The following PCDHA1 variants were observed in gnomAD, a reference collection of about 807,000 sequenced individuals.
PCDHA1 encodes protocadherin alpha 1.
In PCDHA1, 42 loss-of-function variants were observed where a neutral mutation model predicts 61.3. The observed-to-expected ratio is 0.69, with a 90% CI of 0.54 to 0.89. PCDHA1 has a LOEUF of 0.89. Among genes scored for constraint, PCDHA1 ranks in the 40% least tolerant of loss-of-function variants. The pLI, the probability that PCDHA1 is intolerant of heterozygous loss-of-function variation, is 0.00. For synonymous variants in PCDHA1, 610 were observed against 553.8 expected, an observed-to-expected ratio of 1.10 and a Z score of -1.43; for missense variants, 1,256 against 1,235.3, an observed-to-expected ratio of 1.02 and a Z score of -0.25.
intron 1 of PCDHA1, among the ~76,000 whole-genome samples, chr5:140,845,081 A>G (rs1413873569): frequency 1.3e-5 from 2 of 149,512 alleles, no homozygotes; most frequent in Non-Finnish European, 3.0e-5. Flanking sequence ...ATTGTTTTGT[A>G]GTTTATTTTA....
intron 1 of PCDHA1, chr5:140,870,343 C>T (rs375366430): frequency 1.9e-6 from 3 of 1,614,160 alleles, no homozygotes; most frequent in African/African-American, 2.7e-5. Flanking sequence ...CGCCCTGGAC[C>T]GCGAGAACGT....
chr5:140,845,330 G>T (rs782598822), intron 1 of PCDHA1, among the ~76,000 whole-genome samples: 1 of 149,276 alleles, frequency 6.7e-6, no homozygotes, highest in African/African-American at 2.5e-5. Context: ...TTTAATTACT[G>T]AATTCTCCTA....
chr5:140,800,880 A>G (rs1456121681), intron 1 of PCDHA1: 2 of 295,432 alleles, frequency 6.8e-6, no homozygotes, highest in Non-Finnish European at 1.2e-5. Context: ...TAGATAAAAT[A>G]TAAGGACTTT....
intron 1 of PCDHA1, among the ~76,000 whole-genome samples, chr5:140,879,706 A>T (rs2058090742): frequency 6.6e-6 from 1 of 152,246 alleles, no homozygotes; most frequent in African/African-American, 2.4e-5. Context: ...ATTATTTCTC[A>T]GTATTGGAGA....
chr5:140,966,930 G>A (rs1554228913), intron 1 of PCDHA1: 1 of 1,603,704 alleles, frequency 6.2e-7, no homozygotes, highest in Middle Eastern at 1.7e-4. Flanking sequence ...CAGGCACCCG[G>A]CGCGCTCGTG....
chr5:140,996,365 T>C (rs1017086317), intron 3 of PCDHA1, among the ~76,000 whole-genome samples: 4 of 152,196 alleles, frequency 2.6e-5, no homozygotes, highest in African/African-American at 9.7e-5. Context: ...GAAGCCATTT[T>C]GTTGTCGGCT....
intron 1 of PCDHA1, among the ~76,000 whole-genome samples, chr5:140,932,569 C>T (rs58622542): frequency 0.013 from 2,018 of 151,826 alleles, 38 homozygotes; most frequent in African/African-American, 0.046. Flanking sequence ...GTAGACTTTC[C>T]CATAGGGTAA....
intron 1 of PCDHA1, chr5:140,831,249 A>G (rs1232013829): frequency 5.3e-5 from 8 of 152,084 alleles, no homozygotes; most frequent in African/African-American, 1.9e-4. Flanking sequence ...CGGCTCTCTT[A>G]TTTCTGTTTG....
Position 140,871,133 on chromosome 5 carries a change from C to A in PCDHA1, c.2394+82449C>A, listed in dbSNP as rs1156390839. On this transcript the variant is annotated intron_variant, in intron 1 of 3. Transcript: ENST00000504120. ...GTGGAGAGCGGACAGGCGCCAAAGG[C>A]CTCTTCCCGGACTTTGGCGGGCGCC... 29 of 1,613,274 alleles carry A rather than the reference C, an allele frequency of 1.8e-5. No homozygotes were observed. Among genetic ancestry groups the A allele is most frequent in the Non-Finnish European group, 2.5e-5 (29 of 1,179,916 alleles).
At chr5:140,858,494 C>A (rs1451749220) in intron 1 of PCDHA1, 1 of 1,482,778 alleles carries the variant, frequency 6.7e-7, no homozygotes. Context: ...TTTCTCTTAC[C>A]GCATTTTCTC....
intron 1 of PCDHA1, chr5:140,814,870 A>G (rs1246667787): frequency 2.6e-5 from 4 of 152,220 alleles, no homozygotes; most frequent in South Asian, 4.2e-4. Flanking sequence ...AGGTGTTTTA[A>G]TGTTGGGTGC....
rs782148992 is a variant in PCDHA1 at position 140,809,135 on chromosome 5, C to T, written c.2394+20451C>T. ...CGCTCCGCGCCACCGCCTACTGGTA[C>T]TGGTGAAGGACCACGGCGAGCCCGC... On this transcript the variant is annotated intron_variant, in intron 1 of 3. Coordinates refer to ENST00000504120, the MANE Select transcript of PCDHA1 (RefSeq NM_018900.4). 24 of 1,613,884 alleles carry T rather than the reference C, an allele frequency of 1.5e-5. No homozygotes were observed. In the Middle Eastern group the frequency reaches 4.9e-4, roughly 33 times the overall value.
At chr5:140,796,749 C>A in intron 1 of PCDHA1, 2 of 1,614,118 alleles carry the variant, frequency 1.2e-6, no homozygotes. Flanking sequence ...CGAAGGTGCG[C>A]GCAGTGGACG....
At chr5:140,952,879 G>C (rs1325308016) in intron 1 of PCDHA1, among the ~76,000 whole-genome samples, 1 of 152,094 alleles carries the variant, frequency 6.6e-6, no homozygotes, top group Non-Finnish European at 1.5e-5. Context: ...TTACAATCAT[G>C]GTGGAAGGCA....
chr5:140,845,946 A>G (rs1430863915), intron 1 of PCDHA1, among the ~76,000 whole-genome samples: 2 of 149,792 alleles, frequency 1.3e-5, no homozygotes, highest in East Asian at 1.9e-4. Flanking sequence ...CTGTAAAGTC[A>G]TTTTTTAGAT....
chr5:140,796,760 C>T, intron 1 of PCDHA1: 1 of 1,614,140 alleles, frequency 6.2e-7, no homozygotes, highest in Non-Finnish European at 8.5e-7. Flanking sequence ...GCAGTGGACG[C>T]TGACTCAGGC....
At chr5:140,856,187 A>G (rs781874204) in intron 1 of PCDHA1, 4 of 1,598,212 alleles carry the variant, frequency 2.5e-6, no homozygotes, top group African/African-American at 2.7e-5. Flanking sequence ...CGTGGGCCGC[A>G]TCGCGCAGGA....
chr5:140,863,219 G>T, intron 1 of PCDHA1: 1 of 1,108,786 alleles, frequency 9.0e-7, no homozygotes. Flanking sequence ...AGCCAAGCGA[G>T]GAAGGTCCCA....
At chr5:140,818,688 A>T (rs2150051064) in intron 1 of PCDHA1, among the ~76,000 whole-genome samples, 1 of 152,312 alleles carries the variant, frequency 6.6e-6, no homozygotes, top group East Asian at 1.9e-4. Context: ...AATGAAAAAA[A>T]TTAGCTAGAT....
Sources: allele counts gnomAD v4.1 joint callset (sites outside exome capture counted in the v4.1 genomes callset), GRCh38; gene constraint gnomAD v4.1.1; transcripts MANE v1.5; gene names NCBI Gene and HGNC (gene_info 2026-07-23, HGNC 2026-07-21).